The following EPHA5 variants were observed in gnomAD, a reference collection of about 807,000 sequenced individuals.
EPHA5 encodes EPH receptor A5.
In EPHA5, 60 loss-of-function variants were observed where a neutral mutation model predicts 105.0. The ratio of observed to expected loss-of-function variants is 0.57; its 90% confidence interval spans 0.46 to 0.71. The LOEUF is 0.71. Ranked by LOEUF, EPHA5 falls within the 30% of genes least tolerant of loss-of-function variation. EPHA5 has a pLI of 0.00. For synonymous variants in EPHA5, 513 were observed against 449.1 expected (o/e 1.14, Z -1.80); for missense variants, 1,218 against 1,274.7 (o/e 0.96, Z 0.68).
chr4:65,583,813 A>C (rs910723665), intron 3 of EPHA5, among the ~76,000 whole-genome samples: 1 of 151,732 alleles, frequency 6.6e-6, no homozygotes, highest in Non-Finnish European at 1.5e-5. Context: ...CTATTATTTG[A>C]CATTATGCAT....
chr4:65,399,832 C>G (rs951232487), intron 8 of EPHA5, among the ~76,000 whole-genome samples: 1 of 152,098 alleles, frequency 6.6e-6, no homozygotes, highest in Non-Finnish European at 1.5e-5. Context: ...AAAAAATATT[C>G]TTTAATCCCA....
chr4:65,516,381 A>G (rs1161237457), intron 3 of EPHA5, among the ~76,000 whole-genome samples: 1 of 151,962 alleles, frequency 6.6e-6, no homozygotes, highest in African/African-American at 2.4e-5. Context: ...AGAAATCTTC[A>G]TCGTTGCTCT....
At chr4:65,366,185 C>G in intron 9 of EPHA5, 128 bp from the exon 10 acceptor site, 1 of 780,928 alleles carries the variant, frequency 1.3e-6, no homozygotes, top group Non-Finnish European at 2.0e-6. Flanking sequence ...AAGGACCAGC[C>G]CTCTCCTGAG....
intron 3 of EPHA5, chr4:65,573,583 C>A (rs914869895): frequency 8.1e-6 from 13 of 1,598,336 alleles, no homozygotes; most frequent in Non-Finnish European, 1.1e-5. Flanking sequence ...AAGGGGAAGC[C>A]CCGTTGCAGC....
chr4:65,576,115 A>AAAAAG (rs1214473624), intron 3 of EPHA5, among the ~76,000 whole-genome samples: 1,772 of 44,444 alleles, frequency 0.04, 232 homozygotes, highest in Admixed American at 0.065. Context: ...AAAGAAAAGA[A>AAAAAG]AAAAGAAAAG....
At chr4:65,583,746 TA>T (rs1195515565) in intron 3 of EPHA5, among the ~76,000 whole-genome samples, 1 of 151,650 alleles carries the variant, frequency 6.6e-6, no homozygotes, top group Non-Finnish European at 1.5e-5. Flanking sequence ...TTGATTTTGT[TA>T]AAAAAGAAAC....
chr4:65,627,720 A>C (rs1746279129), intron 2 of EPHA5, among the ~76,000 whole-genome samples: 1 of 152,118 alleles, frequency 6.6e-6, no homozygotes, highest in Admixed American at 6.5e-5. Context: ...TGCCACCTAC[A>C]TTCTCAAACT....
At chr4:65,373,425 T>A (rs1718686388) in intron 8 of EPHA5, among the ~76,000 whole-genome samples, 1 of 151,946 alleles carries the variant, frequency 6.6e-6, no homozygotes, top group Non-Finnish European at 1.5e-5. Context: ...CCGGCAGATA[T>A]CTTATAAAGA....
At chr4:65,500,351 T>C (rs1732359658) in intron 3 of EPHA5, among the ~76,000 whole-genome samples, 1 of 151,240 alleles carries the variant, frequency 6.6e-6, no homozygotes, top group Admixed American at 6.6e-5. Context: ...GAAAATTATG[T>C]TTAAGAATTA....
intron 2 of EPHA5, among the ~76,000 whole-genome samples, chr4:65,614,419 T>C (rs546909272): frequency 8.2e-4 from 125 of 151,950 alleles, no homozygotes; most frequent in African/African-American, 2.9e-3. Context: ...TACTTTTACA[T>C]CTATTTGTAT....
At chr4:65,501,600 G>A (rs539506981) in intron 3 of EPHA5, among the ~76,000 whole-genome samples, 19 of 151,398 alleles carry the variant, frequency 1.3e-4, no homozygotes, top group African/African-American at 1.9e-4. Flanking sequence ...GAAAGAAATC[G>A]TAGGTGACAC....
intron 7 of EPHA5, among the ~76,000 whole-genome samples, chr4:65,407,183 C>G (rs1179029384): frequency 6.6e-6 from 1 of 152,072 alleles, no homozygotes; most frequent in Non-Finnish European, 1.5e-5. Context: ...GAAGAAAATT[C>G]TCAAATGCTC....
rs144108320 is a variant in EPHA5, at chr4:65,325,056, T to A, written c.2946-837A>T. On this transcript the variant is annotated intron_variant, in intron 16 of 16. Coordinates refer to ENST00000613740, the MANE Select transcript of EPHA5 (RefSeq NM_001281766.3). ...GTATTTGTCAGATATGTTTGGCAAA[T>A]GATAAGCATTAATTATAGGAAAAAA... 5.4e-3 allele frequency among the ~76,000 whole-genome samples: 818 copies of A among 151,468 alleles called. 9 individuals carry two copies. The highest frequency in any genetic ancestry group is 0.019 in the African/African-American group (777 of 41,436).
At chr4:65,557,816 C>T (rs906852335) in intron 3 of EPHA5, among the ~76,000 whole-genome samples, 1 of 151,818 alleles carries the variant, frequency 6.6e-6, no homozygotes, top group Non-Finnish European at 1.5e-5. Context: ...AAATGCAAAA[C>T]AATAGCAATG....
In EPHA5 at chr4:65,500,845, A is replaced by C. The variant is rs28627115; in HGVS notation, c.911-5302T>G. Among the ~76,000 whole-genome samples the C allele has an allele frequency of 5.8e-3, 880 of 150,814 alleles. 9 individuals are homozygous for C. Among genetic ancestry groups the C allele is most frequent in the African/African-American group, 0.02 (841 of 41,306 alleles). Reference sequence around the variant, plus strand: ...TGCGTATATATATATATATATGCATACTATACATATAAAGGAAATTGAGTT... The same window carrying C: ...TGCGTATATATATATATATATGCATCCTATACATATAAAGGAAATTGAGTT... On this transcript the variant is annotated intron_variant, in intron 3 of 16. Coordinates refer to ENST00000613740, the MANE Select transcript of EPHA5 (RefSeq NM_001281766.3).
intron 2 of EPHA5, among the ~76,000 whole-genome samples, chr4:65,617,264 G>T (rs749287758): frequency 6.6e-6 from 1 of 151,988 alleles, no homozygotes; most frequent in African/African-American, 2.4e-5. Context: ...TACATTGTCA[G>T]TGTACACATT....
At chr4:65,583,912 A>G (rs1218293317) in intron 3 of EPHA5, among the ~76,000 whole-genome samples, 2 of 151,636 alleles carry the variant, frequency 1.3e-5, no homozygotes, top group Admixed American at 1.3e-4. Flanking sequence ...AATTCATTAA[A>G]CATTAAATTA....
chr4:65,490,077 A>G (rs1315661590), intron 5 of EPHA5, among the ~76,000 whole-genome samples: 1 of 152,238 alleles, frequency 6.6e-6, no homozygotes, highest in East Asian at 1.9e-4. Flanking sequence ...ATGCTATGAA[A>G]TTATATGAGA....
At chr4:65,424,221 A>G (rs1386508981) in intron 5 of EPHA5, among the ~76,000 whole-genome samples, 2 of 152,022 alleles carry the variant, frequency 1.3e-5, no homozygotes, top group African/African-American at 2.4e-5. Flanking sequence ...GACACAAACA[A>G]TGATATCAAT....
Sources: allele counts gnomAD v4.1 joint callset (sites outside exome capture counted in the v4.1 genomes callset), GRCh38; gene constraint gnomAD v4.1.1; transcripts MANE v1.5; gene names NCBI Gene and HGNC (gene_info 2026-07-23, HGNC 2026-07-21).